Variants in DEGS1 observed in about 807,000 individuals in gnomAD.
DEGS1 encodes the protein delta 4-desaturase, sphingolipid 1, also known as sphingolipid delta(4)-desaturase DES1.
A neutral mutation model predicts 24.1 loss-of-function variants in DEGS1; 17 were observed. The ratio of observed to expected loss-of-function variants is 0.70; its 90% CI spans 0.48 to 1.06. The LOEUF (loss-of-function observed/expected upper bound fraction) is 1.06. Among genes scored for constraint, DEGS1 ranks in the 50% least tolerant of loss-of-function variants. The pLI is 0.00. For synonymous variants in DEGS1, 134 were observed against 140.0 expected (o/e 0.96, Z 0.30); for missense variants, 366 against 408.9 (o/e 0.90, Z 0.91).
chr1:224,190,785 T>A (rs1658518140), intron 2 of DEGS1, among the ~76,000 whole-genome samples: 1 of 152,026 alleles, frequency 6.6e-6, no homozygotes, highest in South Asian at 2.1e-4. Flanking sequence ...TAGAGTGCAG[T>A]GGTACGATAG....
rs1658283370 is a variant in DEGS1 at position 224,183,348 on chromosome 1, C to G, written c.12C>G (p.Arg4=). Residue 4 remains arginine (R), a synonymous_variant, in exon 1 of 3, where the codon CGC becomes CGG. Transcript: ENST00000323699. MGS[R]VSREDFEWVY... The stretch of plus-strand genomic sequence containing the variant: ...CCACCGCTGTCGCCATGGGGAGCCG[C>G]GTCTCGCGGGAAGACTTCGAGTGGG... 6.8e-7 allele frequency: 1 copy of G among 1,479,376 alleles called. No individual in the cohort carries two copies. Among genetic ancestry groups the G allele is most frequent in the East Asian group, 3.0e-5 (1 of 33,028 alleles). The allele number at this position is 1,479,376 out of a possible 1,614,324, so 91.6% of individuals were successfully genotyped here.
At chr1:224,185,348 T>C in intron 1 of DEGS1, among the ~76,000 whole-genome samples, 1 of 152,024 alleles carries the variant, frequency 6.6e-6, no homozygotes, top group East Asian at 1.9e-4. Flanking sequence ...TACACTCCAT[T>C]AGAGAAAGGG....
At position 224,190,309 on chromosome 1, in the gene DEGS1, G is replaced by A; in HGVS notation, c.815G>A (p.Ser272Asn). The change falls in exon 2 of 3, where the codon AGT (serine) becomes AAT (asparagine). Residue 272 changes from serine to asparagine, a missense_variant. Coordinates refer to ENST00000323699, the MANE Select transcript of DEGS1 (RefSeq NM_003676.4). ...GATTTCCCCAACATTCCTGGAAAAA[G>A]TCTTCCACTGGTAAGTAAAGGATTT... ...HHDFPNIPGK[S>N]LPLVRKIAAE... is the part of the protein sequence containing the mutation. The A allele has an allele frequency of 2.0e-6, 3 of 1,487,322 alleles. No homozygotes were observed. The highest frequency in any genetic ancestry group is 2.7e-6 in the Non-Finnish European group (3 of 1,120,842). 92.1% of individuals were successfully genotyped at this position (1,487,322 alleles called of 1,614,324 possible). A position where few individuals can be genotyped will look rare whatever the true frequency, so the allele number is the denominator to read the frequency against.
intron 2 of DEGS1, among the ~76,000 whole-genome samples, chr1:224,190,754 G>A (rs1658517255): frequency 6.6e-6 from 1 of 151,898 alleles, no homozygotes; most frequent in Admixed American, 6.6e-5. Context: ...TAGAGACAGG[G>A]TCTTGCCCTG....
intron 1 of DEGS1, 141 bp downstream of exon 1, chr1:224,183,559 G>C (rs1204831148): frequency 1.7e-6 from 1 of 582,750 alleles, no homozygotes. Flanking sequence ...GTCGCCGCTC[G>C]GGCCGCCAGC....
At chr1:224,188,155 G>A (rs745537297) in intron 1 of DEGS1, among the ~76,000 whole-genome samples, 1 of 152,076 alleles carries the variant, frequency 6.6e-6, no homozygotes, top group African/African-American at 2.4e-5. Flanking sequence ...CTACTAGGGT[G>A]ACTGAGGCAG....
At chr1:224,183,622 C>T (rs1451178043) in intron 1 of DEGS1, 1 of 356,236 alleles carries the variant, frequency 2.8e-6, no homozygotes, top group Non-Finnish European at 4.9e-6. Context: ...GGGACGGGTC[C>T]TCGGAGCCGC....
chr1:224,189,697 G>C lies in DEGS1; in HGVS notation c.203G>C (p.Trp68Ser), dbSNP rs752521494. ...FYIVKDLDWK[W>S]VIFGAYAFGS... ...ATAGTAAAAGACTTGGACTGGAAAT[G>C]GGTCATATTTGGGGCCTATGCGTTT... Residue 68 changes from tryptophan (W) to serine (S), a missense_variant, in exon 2 of 3, where the codon TGG (tryptophan) becomes TCG (serine). Coordinates refer to ENST00000323699, the MANE Select transcript of DEGS1 (RefSeq NM_003676.4). The C allele has an allele frequency of 5.0e-5, 81 of 1,614,062 alleles. No individual in the cohort carries two copies. The highest frequency in any genetic ancestry group is 1.7e-6 in the Non-Finnish European group (2 of 1,180,040).
At chr1:224,188,030 A>G (rs1471691701) in intron 1 of DEGS1, among the ~76,000 whole-genome samples, 1 of 151,794 alleles carries the variant, frequency 6.6e-6, no homozygotes, top group African/African-American at 2.4e-5. Context: ...CCTGGGCTCA[A>G]GTGATCCTCC....
intron 1 of DEGS1, chr1:224,183,719 A>T (rs2102650827): frequency 3.8e-6 from 1 of 263,310 alleles, no homozygotes; most frequent in African/African-American, 2.2e-5. Flanking sequence ...GTTGGGGCGA[A>T]GGGTGTCCCC....
At position 224,183,283 on chromosome 1, in the gene DEGS1, GCAGC is replaced by G; in HGVS notation, c.-52_-49del. ...CCGCCGCCGCCGCCGCCACCTCTGA[GCAGC>G]CGGCTGGGAGCGAGAGCCGACAGCT... is the stretch of plus-strand genomic sequence containing the variant. On this transcript the variant is annotated 5_prime_UTR_variant, in exon 1 of 3. Transcript: ENST00000323699. 6.9e-7 allele frequency: 1 copy of G among 1,446,536 alleles called. No homozygotes were observed. The highest frequency in any genetic ancestry group is 1.3e-5 in the South Asian group (1 of 74,084). 89.6% of individuals were successfully genotyped at this position (1,446,536 alleles called of 1,614,324 possible).
chr1:224,189,372 C>T (rs1658475029), intron 1 of DEGS1, among the ~76,000 whole-genome samples: 1 of 152,072 alleles, frequency 6.6e-6, no homozygotes. Context: ...TGCATAAATT[C>T]TCAAATTATT....
chr1:224,191,968 C>G (rs1444911718), intron 2 of DEGS1, among the ~76,000 whole-genome samples: 1 of 152,126 alleles, frequency 6.6e-6, no homozygotes, highest in Non-Finnish European at 1.5e-5. Context: ...TGGCAGGGAT[C>G]AGATGTTGCC....
At chr1:224,184,908 G>C (rs1009602112) in intron 1 of DEGS1, among the ~76,000 whole-genome samples, 1 of 151,956 alleles carries the variant, frequency 6.6e-6, no homozygotes, top group Non-Finnish European at 1.5e-5. Flanking sequence ...GCTGAGGCGG[G>C]AGGATCGCTT....
At position 224,186,869 on chromosome 1, in the gene DEGS1, T is replaced by C. The variant is rs544562050; in HGVS notation, c.83-2708T>C. On this transcript the variant is annotated intron_variant, in intron 1 of 2. Coordinates refer to ENST00000323699, the MANE Select transcript of DEGS1 (RefSeq NM_003676.4). The stretch of plus-strand genomic sequence containing the variant: ...AGAATCTTTAGATTTGTTTAAATTA[T>C]ACACAAATGATAAGAGATCTTTCTG... Among the ~76,000 whole-genome samples, 29 of 152,318 alleles carry C rather than the reference T, an allele frequency of 1.9e-4. No homozygotes were observed. The South Asian group carries it at 4.4e-3, about 23-fold the overall frequency.
chr1:224,184,110 C>T (rs546264118), intron 1 of DEGS1, among the ~76,000 whole-genome samples: 122 of 152,336 alleles, frequency 8.0e-4, no homozygotes, highest in African/African-American at 2.8e-3. Flanking sequence ...GATTCGTAGG[C>T]ATTTTTCATC....
intron 1 of DEGS1, chr1:224,183,654 A>G (rs1280830724): frequency 6.1e-6 from 2 of 325,302 alleles, no homozygotes; most frequent in African/African-American, 4.3e-5. Flanking sequence ...CCTTCCGCGA[A>G]GAGGCGCAGG....
At chr1:224,185,391 G>C (rs910500685) in intron 1 of DEGS1, among the ~76,000 whole-genome samples, 1 of 152,166 alleles carries the variant, frequency 6.6e-6, no homozygotes, top group African/African-American at 2.4e-5. Flanking sequence ...GAGTGCGGTG[G>C]TTGTTCACAG....
chr1:224,193,379 A>G lies in DEGS1; in HGVS notation c.*901A>G, dbSNP rs1462505372. Reference sequence around the variant, plus strand: ...CTTCTATATGGGACCCGAATTAGACACTGCTGAATCCTGTACAGCCTTACT... The same window carrying G: ...CTTCTATATGGGACCCGAATTAGACGCTGCTGAATCCTGTACAGCCTTACT... On this transcript the variant is annotated 3_prime_UTR_variant, in exon 3 of 3. Transcript: ENST00000323699. 6.6e-6 allele frequency: 1 copy of G among 152,260 alleles called. No individual in the cohort carries two copies. Among genetic ancestry groups the G allele is most frequent in the Non-Finnish European group, 1.5e-5 (1 of 68,050 alleles). The allele number at this position is 152,260 out of a possible 1,614,324, so 9.4% of individuals were successfully genotyped here. A position where few individuals can be genotyped will look rare whatever the true frequency, so the allele number is the denominator to read the frequency against.
Sources: allele counts gnomAD v4.1 joint callset (sites outside exome capture counted in the v4.1 genomes callset), GRCh38; gene constraint gnomAD v4.1.1; transcripts MANE v1.5; gene names NCBI Gene and HGNC (gene_info 2026-07-23, HGNC 2026-07-21).